MKX: variants seen among roughly 807,000 people sequenced by gnomAD.
The protein encoded by MKX is homeobox protein Mohawk.
MKX carries 13 observed loss-of-function variants against 36.0 expected under a neutral mutation model. The observed-to-expected ratio is 0.36, with a 90% CI of 0.24 to 0.57. The LOEUF is 0.57. Ranked by LOEUF, MKX falls within the 20% of genes least tolerant of loss-of-function variation. The pLI is 0.79. For synonymous variants in MKX, 176 were observed against 178.3 expected (o/e 0.99, Z 0.10); for missense variants, 458 against 456.4 (o/e 1.00, Z -0.03).
intron 5 of MKX, among the ~76,000 whole-genome samples, chr10:27,708,977 T>C (rs1836806252): frequency 6.6e-6 from 1 of 152,112 alleles, no homozygotes; most frequent in Non-Finnish European, 1.5e-5. Context: ...GAGACCAGCC[T>C]GGCCAGCATG....
At chr10:27,681,306 A>C (rs986150495) in intron 5 of MKX, among the ~76,000 whole-genome samples, 3 of 151,984 alleles carry the variant, frequency 2.0e-5, no homozygotes, top group Non-Finnish European at 2.9e-5. Flanking sequence ...AAAATTAGCC[A>C]GGCGTGGTGG....
rs1032078331 is a variant in MKX, at chr10:27,675,152, C to T, written c.*77G>A. The T allele has an allele frequency of 7.2e-6, 10 of 1,392,328 alleles. No homozygotes were observed. The highest frequency in any genetic ancestry group is 8.8e-6 in the Non-Finnish European group (9 of 1,020,628). 86.2% of individuals were successfully genotyped at this position (1,392,328 alleles called of 1,614,324 possible). On this transcript the variant is annotated 3_prime_UTR_variant, in exon 7 of 7. Transcript: ENST00000419761. ...GGTTTGGGAGAGAGTCATTTTCATC[C>T]CTGCTTCGGCTCTTAGGATGAGGGT... is the stretch of plus-strand genomic sequence containing the variant.
At position 27,744,484 on chromosome 10, in the gene MKX, A is replaced by T. The variant is rs1835001389; in HGVS notation, c.-82-987T>A. ...CACCTCTGGGGTCGCGGAGGCCCTG[A>T]GCCTCTGCCTGCCGCGCACCGGCGT... On this transcript the variant is annotated intron_variant, in intron 1 of 6. Transcript: ENST00000419761. This position sits in a 1 kb window ranked among gnomAD's most constrained non-coding sequence, Gnocchi z 5.6. 1.3e-5 allele frequency among the ~76,000 whole-genome samples: 2 copies of T among 151,974 alleles called. No homozygotes were observed. Among genetic ancestry groups the T allele is most frequent in the Admixed American group, 6.5e-5 (1 of 15,272 alleles).
chr10:27,725,003 A>G lies in MKX; in HGVS notation c.838+9453T>C, dbSNP rs78190484. On this transcript the variant is annotated intron_variant, in intron 5 of 6. Transcript: ENST00000419761. ...CACACACACATACTCCAAGTTCTCA[A>G]AAGTTCAACACTAATGATTTAAGTA... 9.2e-3 allele frequency among the ~76,000 whole-genome samples: 1,405 copies of G among 152,318 alleles called. 20 individuals are homozygous for G. The highest frequency in any genetic ancestry group is 0.032 in the African/African-American group (1,313 of 41,558).
At chr10:27,721,316 C>G (rs1834371925) in intron 5 of MKX, among the ~76,000 whole-genome samples, 1 of 151,726 alleles carries the variant, frequency 6.6e-6, no homozygotes, top group Non-Finnish European at 1.5e-5. Context: ...GACAATAAAA[C>G]TACACTCATG....
chr10:27,701,889 TACACACACAA>T (rs1836665580), intron 5 of MKX, among the ~76,000 whole-genome samples: 1 of 150,994 alleles, frequency 6.6e-6, no homozygotes, highest in Non-Finnish European at 1.5e-5. Flanking sequence ...TGTATATATA[TACACACACAA>T]ACACACACAC....
At chr10:27,705,559 T>G (rs530658615) in intron 5 of MKX, among the ~76,000 whole-genome samples, 2 of 152,308 alleles carry the variant, frequency 1.3e-5, no homozygotes, top group South Asian at 4.1e-4. Flanking sequence ...CTCACTATGG[T>G]GCCCAGGCTG....
chr10:27,686,080 TA>T (rs952933962), intron 5 of MKX, among the ~76,000 whole-genome samples: 1 of 152,156 alleles, frequency 6.6e-6, no homozygotes, highest in African/African-American at 2.4e-5. Context: ...AGACTGCAAC[TA>T]AAGCCTGGTG....
In MKX at chr10:27,732,388, A is replaced by G. The variant is rs746375269; in HGVS notation, c.838+2068T>C. Among the ~76,000 whole-genome samples, 10 of 152,140 alleles carry G rather than the reference A, an allele frequency of 6.6e-5. No individual in the cohort carries two copies. The South Asian group carries it at 8.3e-4, about 13-fold the overall frequency. On this transcript the variant is annotated intron_variant, in intron 5 of 6. Transcript: ENST00000419761. ...CTTTTAATTTGTGTGGAGAATGCCA[A>G]TTTATTTAAATACACATTTACATAT...
Position 27,741,513 on chromosome 10 carries a change from T to TG in MKX, c.189-10dup, listed in dbSNP as rs760423971. ...CGCCATTCTGCCGGGCGCTGGGACA[T>TG]GGGGAGAGGAGGCGGCCCTGGTGAG... On this transcript the variant is annotated splice_polypyrimidine_tract_variant and intron_variant, in intron 2 of 6. Coordinates refer to ENST00000419761, the MANE Select transcript of MKX (RefSeq NM_173576.3). This position sits in a 1 kb window ranked among gnomAD's most constrained non-coding sequence, Gnocchi z 5.1. 6.3e-7 allele frequency: 1 copy of TG among 1,579,812 alleles called. No individual in the cohort carries two copies. The highest frequency in any genetic ancestry group is 1.1e-5 in the South Asian group (1 of 87,348).
At chr10:27,694,862 C>CATCATAAA (rs1236538006) in intron 5 of MKX, among the ~76,000 whole-genome samples, 4 of 150,448 alleles carry the variant, frequency 2.7e-5, no homozygotes, top group Non-Finnish European at 5.9e-5. Flanking sequence ...TACATATTTT[C>CATCATAAA]ATCATAAAAG....
chr10:27,740,186 T>A (rs2132651942), intron 3 of MKX, among the ~76,000 whole-genome samples: 1 of 152,344 alleles, frequency 6.6e-6, no homozygotes, highest in Non-Finnish European at 1.5e-5. Flanking sequence ...CAGTAATTCC[T>A]AAAGGGAAAT....
chr10:27,699,306 A>C (rs1365370600), intron 5 of MKX, among the ~76,000 whole-genome samples: 4 of 152,224 alleles, frequency 2.6e-5, no homozygotes, highest in African/African-American at 9.6e-5. Flanking sequence ...TGCCCTTAAA[A>C]ATTTAATATT....
intron 5 of MKX, among the ~76,000 whole-genome samples, chr10:27,713,873 AGAT>A (rs1268852828): frequency 6.6e-6 from 1 of 152,140 alleles, no homozygotes; most frequent in Non-Finnish European, 1.5e-5. Flanking sequence ...GTTCTGCTTT[AGAT>A]GATATTTTCA....
intron 3 of MKX, among the ~76,000 whole-genome samples, chr10:27,735,867 A>T (rs1834758839): frequency 2.0e-5 from 3 of 152,210 alleles, no homozygotes; most frequent in Non-Finnish European, 4.4e-5. Flanking sequence ...AATAGAAGTG[A>T]AATTCCACAG....
chr10:27,687,159 A>G (rs528953814), intron 5 of MKX, among the ~76,000 whole-genome samples: 1 of 152,204 alleles, frequency 6.6e-6, no homozygotes, highest in Non-Finnish European at 1.5e-5. Flanking sequence ...GGCACGCACC[A>G]CTACGCCCGG....
Position 27,734,661 on chromosome 10 carries a change from G to A in MKX, c.633C>T (p.Asp211=). 6.2e-7 allele frequency: 1 copy of A among 1,614,138 alleles called. No individual in the cohort carries two copies. The highest frequency in any genetic ancestry group is 8.5e-7 in the Non-Finnish European group (1 of 1,180,016). ...GVRPESRASE[D]YVAPPKYKSS... ...TCTTGTATTTGGGGGGTGCCACGTA[G>A]TCCTCACTGGCCCGTGACTCTGGCC... The change falls in exon 5 of 7, where the codon GAC becomes GAT. Residue 211 remains aspartate (D), a synonymous_variant. Transcript: ENST00000419761.
chr10:27,744,309 G>A lies in MKX; in HGVS notation c.-82-812C>T, dbSNP rs1041848437. 6.6e-6 allele frequency among the ~76,000 whole-genome samples: 1 copy of A among 152,074 alleles called. No homozygotes were observed. The highest frequency in any genetic ancestry group is 1.5e-5 in the Non-Finnish European group (1 of 67,998). ...CTTCCGCAGCGCGGGTGTCAGCCGC[G>A]AGCTCGTAGCCCCTCGACACCCGCC... On this transcript the variant is annotated intron_variant, in intron 1 of 6. Coordinates refer to ENST00000419761, the MANE Select transcript of MKX (RefSeq NM_173576.3). This position sits in a 1 kb window ranked among gnomAD's most constrained non-coding sequence, Gnocchi z 5.6.
intron 5 of MKX, among the ~76,000 whole-genome samples, chr10:27,711,494 T>TCTCCCTTC (rs1554772211): frequency 2.9e-5 from 1 of 34,150 alleles, no homozygotes; most frequent in South Asian, 1.1e-3. Context: ...TCTCTCTCTC[T>TCTCCCTTC]CTTCTTTCCT....
Sources: gnomAD v4.1 joint callset for allele counts (sites outside exome capture counted in the v4.1 genomes callset) on GRCh38, gnomAD v4.1.1 for gene constraint, Gnocchi (gnomAD v3.1) non-coding constraint, MANE v1.5 for transcripts, NCBI Gene and HGNC (gene_info 2026-07-23, HGNC 2026-07-21) for gene names.